CD70: variants seen among roughly 807,000 people sequenced by gnomAD.
CD70 encodes CD70 antigen.
A neutral mutation model predicts 9.0 loss-of-function variants in CD70; 6 were observed. The ratio of observed to expected loss-of-function variants is 0.67; its 90% CI spans 0.37 to 1.32. CD70 has a LOEUF of 1.32. Ranked by LOEUF, CD70 falls within the 40% of genes most tolerant of loss-of-function variation. The pLI, the probability that CD70 is intolerant of heterozygous loss-of-function variation, is 0.02. For synonymous variants in CD70, 108 were observed against 112.3 expected, an observed-to-expected ratio of 0.96 and a Z score of 0.24; for missense variants, 235 against 258.7, an observed-to-expected ratio of 0.91 and a Z score of 0.63.
At chr19:6,585,642 C>T (rs1568430995), downstream of CD70, among the ~76,000 whole-genome samples, 1 of 151,746 alleles carries the variant, frequency 6.6e-6, no homozygotes, top group Admixed American at 6.6e-5. Flanking sequence ...GTGCCCAGCC[C>T]ACTTCCTCTA....
At chr19:6,583,573 TTTTTA>T, downstream of CD70, 1 of 444,310 alleles carries the variant, frequency 2.3e-6, no homozygotes, top group Non-Finnish European at 3.9e-6. Context: ...TTTTTTTTTT[TTTTTA>T]AAGACAGTCT....
chr19:6,583,445 A>G, downstream of CD70: 2 of 669,074 alleles, frequency 3.0e-6, no homozygotes, highest in South Asian at 3.3e-5. Context: ...GAAGCACTTG[A>G]CTTTGAGTCC....
rs1258092762 is a variant in CD70, at chr19:6,586,118, C to T, written c.484G>A (p.Ala162Thr). 1 of 1,614,108 alleles carries T rather than the reference C, an allele frequency of 6.2e-7. No homozygotes were observed. The highest frequency in any genetic ancestry group is 8.5e-7 in the Non-Finnish European group (1 of 1,179,990). Residue 162 changes from alanine to threonine, a missense_variant, in exon 3 of 3, where the codon GCC (alanine) becomes ACC (threonine). By Grantham distance (58) the Ala-to-Thr change is moderately conservative. Transcript: ENST00000245903. ...TIASQRLTPL[A>T]RGDTLCTNLT... The stretch of plus-strand genomic sequence containing the variant: ...TTGGTGCAGAGTGTGTCCCCTCGGG[C>T]CAGGGGCGTCAGGCGCTGGGAGGCA...
downstream of CD70, chr19:6,583,542 T>C: frequency 1.9e-6 from 1 of 536,438 alleles, no homozygotes; most frequent in Non-Finnish European, 3.3e-6. Flanking sequence ...TAACTTTTTG[T>C]TAATTGTAGT....
rs571436540 is a variant in CD70 at position 6,591,043 on chromosome 19, G to A, written c.-41C>T. ...CTCCGCTAGCGCAGGAGGGGCGATGGGGGCGCGGAGCGCTGCCGAGAAGGA... is the reference window on the plus strand; with the variant it reads ...CTCCGCTAGCGCAGGAGGGGCGATGAGGGCGCGGAGCGCTGCCGAGAAGGA... On this transcript the variant is annotated 5_prime_UTR_variant, in exon 1 of 3. Coordinates refer to ENST00000245903, the MANE Select transcript of CD70 (RefSeq NM_001252.5). 6.5e-7 allele frequency: 1 copy of A among 1,547,768 alleles called. No homozygotes were observed. The highest frequency in any genetic ancestry group is 1.4e-5 in the African/African-American group (1 of 72,556).
downstream of CD70, among the ~76,000 whole-genome samples, chr19:6,582,033 C>CTT (rs35914430): frequency 4.3e-3 from 611 of 143,580 alleles, 2 homozygotes; most frequent in Middle Eastern, 7.3e-3. Flanking sequence ...GCAGTTAAAT[C>CTT]TTTTTTTTTT....
At position 6,590,380 on chromosome 19, in the gene CD70, C is replaced by A. The variant is rs1916131170; in HGVS notation, c.163-244G>T. 6.6e-6 allele frequency among the ~76,000 whole-genome samples: 1 copy of A among 152,206 alleles called. No individual in the cohort carries two copies. The highest frequency in any genetic ancestry group is 1.5e-5 in the Non-Finnish European group (1 of 68,032). On this transcript the variant is annotated intron_variant, in intron 1 of 2. Transcript: ENST00000245903. The surrounding 1 kb of genome is among the most constrained non-coding windows in gnomAD (Gnocchi z 5.3). ...AAAAGAACTTCTTCGTTTCCCGAATCGTTTTCCTGGATGTCACTGGGCGCG... is the reference window on the plus strand; with the variant it reads ...AAAAGAACTTCTTCGTTTCCCGAATAGTTTTCCTGGATGTCACTGGGCGCG...
chr19:6,585,727 T>G (rs1335013580), downstream of CD70: 14 of 296,344 alleles, frequency 4.7e-5, no homozygotes, highest in Non-Finnish European at 6.4e-6. Flanking sequence ...CAGGTTGGAG[T>G]GCAGTGGCGC....
chr19:6,590,197 T>A lies in CD70; in HGVS notation c.163-61A>T, dbSNP rs372172915. On this transcript the variant is annotated intron_variant, in intron 1 of 2. Coordinates refer to ENST00000245903, the MANE Select transcript of CD70 (RefSeq NM_001252.5). The surrounding 1 kb of genome is among the most constrained non-coding windows in gnomAD (Gnocchi z 5.3). ...AAGCAGAGAGGTTCTATGTGTCCCC[T>A]GTGCCAGGAGCTCTCTTTTCTCTGT... is the stretch of plus-strand genomic sequence containing the variant. 20 of 1,362,386 alleles carry A rather than the reference T, an allele frequency of 1.5e-5. No homozygotes were observed. In the Middle Eastern group the frequency reaches 5.3e-4, roughly 36 times the overall value. The allele number at this position is 1,362,386 out of a possible 1,614,324, so 84.4% of individuals were successfully genotyped here. A position where few individuals can be genotyped will look rare whatever the true frequency, so the allele number is the denominator to read the frequency against.
At chr19:6,582,452 C>T (rs1424018223), downstream of CD70, among the ~76,000 whole-genome samples, 1 of 151,328 alleles carries the variant, frequency 6.6e-6, no homozygotes, top group Non-Finnish European at 1.5e-5. Flanking sequence ...GTTTACTGCA[C>T]CCATTAATTT....
At position 6,590,265 on chromosome 19, in the gene CD70, AT is replaced by A. The variant is rs1383144462; in HGVS notation, c.163-130del. On this transcript the variant is annotated intron_variant, in intron 1 of 2. Transcript: ENST00000245903. This position sits in a 1 kb window ranked among gnomAD's most constrained non-coding sequence, Gnocchi z 5.3. ...TCTCATCCCACGGCGCGCACTGGTG[AT>A]TTTATTTCATTTTATTTTTTTTTAC... 2.9e-6 allele frequency: 2 copies of A among 682,004 alleles called. No homozygotes were observed. 42.2% of individuals were successfully genotyped at this position (682,004 alleles called of 1,614,324 possible). A position where few individuals can be genotyped will look rare whatever the true frequency, so the allele number is the denominator to read the frequency against.
Position 6,586,213 on chromosome 19 carries a change from A to T in CD70, c.389T>A (p.Val130Glu), listed in dbSNP as rs1297978367. Residue 130 changes from valine (V) to glutamate (E), a missense_variant, in exon 3 of 3, where the codon GTG becomes GAG. Val to Glu is a moderately radical substitution (Grantham distance 121). Transcript: ENST00000245903. ...ASRHHPTTLA[V>E]GICSPASRSI... ...ACGGGAGGCGGGAGAGCAGATTCCC[A>T]CGGCCAGGGTGGTGGGGTGGTGCCT... The T allele has an allele frequency of 3.1e-6, 5 of 1,614,048 alleles. No homozygotes were observed. The highest frequency in any genetic ancestry group is 4.2e-6 in the Non-Finnish European group (5 of 1,180,012).
At chr19:6,589,123 C>T (rs1290886270) in intron 2 of CD70, among the ~76,000 whole-genome samples, 1 of 151,926 alleles carries the variant, frequency 6.6e-6, no homozygotes, top group African/African-American at 2.4e-5. Flanking sequence ...CTCTCTCGTT[C>T]TCTCCCTTTT....
At chr19:6,585,317 T>C (rs1915992442), downstream of CD70, among the ~76,000 whole-genome samples, 1 of 151,546 alleles carries the variant, frequency 6.6e-6, no homozygotes, top group Non-Finnish European at 1.5e-5. Context: ...TCCTCTCTTG[T>C]CAAATAGATG....
chr19:6,586,792 T>C (rs1356823248), intron 2 of CD70, among the ~76,000 whole-genome samples: 1 of 144,470 alleles, frequency 6.9e-6, no homozygotes, highest in Non-Finnish European at 1.5e-5. Flanking sequence ...AGAAACCCTG[T>C]CTCAAAAAAA....
chr19:6,585,150 C>G (rs1366564313), downstream of CD70, among the ~76,000 whole-genome samples: 1 of 151,842 alleles, frequency 6.6e-6, no homozygotes, highest in Admixed American at 6.6e-5. Flanking sequence ...CCACGCTTGG[C>G]TAATTTTTGT....
At chr19:6,587,074 G>GGA (rs1317355574) in intron 2 of CD70, among the ~76,000 whole-genome samples, 8 of 151,138 alleles carry the variant, frequency 5.3e-5, no homozygotes, top group African/African-American at 1.9e-4. Context: ...GCATGAGAGA[G>GGA]CGAGAGAGTG....
At chr19:6,582,132 C>A (rs1046179136), downstream of CD70, among the ~76,000 whole-genome samples, 11 of 151,058 alleles carry the variant, frequency 7.3e-5, no homozygotes, top group Admixed American at 6.6e-4. Context: ...CGGGTTAAAG[C>A]GATTCTCCTG....
chr19:6,584,698 CAAAAAA>C (rs34700045), downstream of CD70, among the ~76,000 whole-genome samples: 1 of 102,288 alleles, frequency 9.8e-6, no homozygotes, highest in South Asian at 3.5e-4. Flanking sequence ...GACCTCATCT[CAAAAAA>C]AAAAAAAAAA....
Sources: allele counts gnomAD v4.1 joint callset (sites outside exome capture counted in the v4.1 genomes callset), GRCh38; gene constraint gnomAD v4.1.1; non-coding constraint Gnocchi (gnomAD v3.1); transcripts MANE v1.5; gene names NCBI Gene and HGNC (gene_info 2026-07-23, HGNC 2026-07-21).